The following PCDH11X variants were observed in gnomAD, a reference collection of about 807,000 sequenced individuals.
PCDH11X encodes the protein protocadherin 11 X-linked, also known as protocadherin-11 X-linked.
In PCDH11X, 18 loss-of-function variants were observed where a neutral mutation model predicts 53.3. The observed-to-expected ratio is 0.34, with a 90% CI of 0.23 to 0.50. The LOEUF is 0.50. Among genes scored for constraint, PCDH11X ranks in the 20% least tolerant of loss-of-function variants. PCDH11X has a pLI of 0.98. For synonymous variants in PCDH11X, 279 were observed against 393.3 expected (o/e 0.71, Z 3.44); for missense variants, 570 against 1,032.4 (o/e 0.55, Z 6.14).
chrX:92,365,053 G>A lies in PCDH11X; in HGVS notation c.3145-22682G>A, dbSNP rs1240615535. On this transcript the variant is annotated intron_variant, in intron 8 of 10. Transcript: ENST00000682573. The stretch of plus-strand genomic sequence containing the variant: ...AAACATTAGCATAGGCTTGCATAGC[G>A]TCAAAATAATCAATATCGCTCTTTT... Among the ~76,000 whole-genome samples, 19 of 80,392 alleles carry A rather than the reference G, an allele frequency of 2.4e-4. 1 individual carries two copies. Among genetic ancestry groups the A allele is most frequent in the Admixed American group, 2.7e-4 (2 of 7,543 alleles). The allele number at this position is 80,392 out of a possible 115,157, so 69.8% of individuals were successfully genotyped here.
At chrX:91,975,320 G>T (rs2062032072) in intron 6 of PCDH11X, among the ~76,000 whole-genome samples, 1 of 112,156 alleles carries the variant, frequency 8.9e-6, no homozygotes, top group South Asian at 3.7e-4. Context: ...ACAACTGAAA[G>T]AATAGTTACT....
intron 6 of PCDH11X, among the ~76,000 whole-genome samples, chrX:91,980,966 T>A (rs1180022984): frequency 1.1e-5 from 1 of 90,250 alleles, no homozygotes; most frequent in Non-Finnish European, 2.1e-5. Context: ...TATATATATA[T>A]ATATATACAC....
intron 5 of PCDH11X, among the ~76,000 whole-genome samples, chrX:91,841,410 T>C (rs1937516816): frequency 1.8e-5 from 2 of 111,396 alleles, no homozygotes; most frequent in Admixed American, 1.9e-4. Flanking sequence ...ACAAATGTGT[T>C]CCCAAATCTG....
intron 10 of PCDH11X, among the ~76,000 whole-genome samples, chrX:92,486,776 C>G (rs1251614678): frequency 9.2e-6 from 1 of 109,177 alleles, no homozygotes; most frequent in Non-Finnish European, 1.9e-5. Flanking sequence ...TATCACTCAC[C>G]CAATCAAGGT....
intron 6 of PCDH11X, among the ~76,000 whole-genome samples, chrX:91,903,662 T>C (rs1262364379): frequency 1.4e-4 from 15 of 107,482 alleles, no homozygotes; most frequent in African/African-American, 5.1e-4. Context: ...TGTGCGTGTG[T>C]GTGTGTGTGT....
At chrX:92,440,891 A>T (rs1333657998) in intron 9 of PCDH11X, among the ~76,000 whole-genome samples, 1 of 111,311 alleles carries the variant, frequency 9.0e-6, no homozygotes, top group East Asian at 2.8e-4. Flanking sequence ...AAATGTGGGA[A>T]AGTTTGGAAC....
intron 5 of PCDH11X, among the ~76,000 whole-genome samples, chrX:91,863,832 C>T (rs1454308731): frequency 1.8e-5 from 2 of 111,301 alleles, no homozygotes; most frequent in African/African-American, 6.5e-5. Context: ...GTATTTTAAG[C>T]TGATAATAGC....
At chrX:92,373,717 A>G (rs965355639) in intron 8 of PCDH11X, among the ~76,000 whole-genome samples, 1 of 111,949 alleles carries the variant, frequency 8.9e-6, no homozygotes, top group African/African-American at 3.2e-5. Flanking sequence ...CGATTTTTTT[A>G]AACAGCTCAT....
intron 1 of PCDH11X, among the ~76,000 whole-genome samples, chrX:91,808,793 C>A (rs1354544977): frequency 1.8e-5 from 2 of 110,459 alleles, no homozygotes; most frequent in Admixed American, 1.9e-4. Context: ...TTTATCTGCA[C>A]TTACGGTAGC....
chrX:92,161,047 T>A (rs1468816376), intron 6 of PCDH11X, among the ~76,000 whole-genome samples: 11 of 110,956 alleles, frequency 9.9e-5, no homozygotes, highest in Admixed American at 2.9e-4. Flanking sequence ...TAATTTGAGT[T>A]CCTTGTAGAT....
intron 6 of PCDH11X, among the ~76,000 whole-genome samples, chrX:92,138,438 T>C (rs759949100): frequency 9.0e-6 from 1 of 111,049 alleles, no homozygotes; most frequent in East Asian, 2.8e-4. Flanking sequence ...AAATATAGTA[T>C]GCCATTAAAA....
At chrX:91,940,999 A>T (rs2061502107) in intron 6 of PCDH11X, among the ~76,000 whole-genome samples, 1 of 111,052 alleles carries the variant, frequency 9.0e-6, no homozygotes, top group Admixed American at 9.6e-5. Flanking sequence ...ATTGTAAAAA[A>T]TATTCAATCT....
chrX:92,332,720 ACAGCAG>A (rs112550030), intron 8 of PCDH11X, among the ~76,000 whole-genome samples: 2 of 109,266 alleles, frequency 1.8e-5, no homozygotes, highest in East Asian at 3.0e-4. Context: ...AGTTACTAAA[ACAGCAG>A]CAGCAGCAGC....
At chrX:91,954,138 C>A (rs1210866201) in intron 6 of PCDH11X, among the ~76,000 whole-genome samples, 1 of 109,532 alleles carries the variant, frequency 9.1e-6, no homozygotes, top group African/African-American at 3.3e-5. Context: ...ACGACAGGCC[C>A]CAGTATGTTG....
chrX:92,333,725 C>T lies in PCDH11X; in HGVS notation c.3145-54010C>T, dbSNP rs1273874239. 5.4e-5 allele frequency among the ~76,000 whole-genome samples: 6 copies of T among 110,273 alleles called. No individual in the cohort carries two copies. In the East Asian group the frequency reaches 1.7e-3, roughly 31 times the overall value. ...CTTTGTTCCATTCAGTCTTTGATAC[C>T]AATTTAGCATATATAAATCATCTAT... On this transcript the variant is annotated intron_variant, in intron 8 of 10. Coordinates refer to ENST00000682573, the MANE Select transcript of PCDH11X (RefSeq NM_032968.5).
At chrX:92,265,173 A>G (rs925222897) in intron 8 of PCDH11X, among the ~76,000 whole-genome samples, 2 of 109,177 alleles carry the variant, frequency 1.8e-5, no homozygotes, top group East Asian at 5.8e-4. Context: ...AGGCTCAACT[A>G]TTTCTCCCAC....
intron 4 of PCDH11X, among the ~76,000 whole-genome samples, chrX:91,825,673 T>G (rs1936898740): frequency 9.2e-6 from 1 of 108,817 alleles, no homozygotes; most frequent in Non-Finnish European, 1.9e-5. Flanking sequence ...ACCGGAGCTG[T>G]TCCTATTCGG....
Position 92,571,746 on chromosome X carries a change from A to G in PCDH11X, c.3368-46518A>G, listed in dbSNP as rs766516760. On this transcript the variant is annotated intron_variant, in intron 10 of 10. Transcript: ENST00000682573. The stretch of plus-strand genomic sequence containing the variant: ...AGGAATCCCTACTGAGAACTTGCTT[A>G]TATTTATTGCAAGCTTCAACAGTTA... Among the ~76,000 whole-genome samples, 9 of 110,267 alleles carry G rather than the reference A, an allele frequency of 8.2e-5. No individual in the cohort carries two copies. In the East Asian group the frequency reaches 2.6e-3, roughly 32 times the overall value.
At chrX:92,475,665 T>C (rs1218492687) in intron 10 of PCDH11X, among the ~76,000 whole-genome samples, 1 of 111,836 alleles carries the variant, frequency 8.9e-6, no homozygotes, top group Admixed American at 9.5e-5. Flanking sequence ...TAGTCTCTTT[T>C]GGGTTAAATC....
Sources: allele counts gnomAD v4.1 joint callset (sites outside exome capture counted in the v4.1 genomes callset), GRCh38; gene constraint gnomAD v4.1.1; transcripts MANE v1.5; gene names NCBI Gene and HGNC (gene_info 2026-07-23, HGNC 2026-07-21).